The following GRM7 variants were observed in gnomAD, a reference collection of about 807,000 sequenced individuals.
GRM7 encodes metabotropic glutamate receptor 7.
GRM7 carries 35 observed loss-of-function variants against 84.5 expected under a neutral mutation model. The observed-to-expected ratio is 0.41, with a 90% CI of 0.32 to 0.55. GRM7 has a LOEUF of 0.55. GRM7 is among the 20% of genes least tolerant of loss of function. GRM7 has a pLI of 0.19. For synonymous variants in GRM7, 487 were observed against 455.1 expected (o/e 1.07, Z -0.89); for missense variants, 1,003 against 1,194.6 (o/e 0.84, Z 2.36).
At chr3:7,235,252 T>C (rs1032419930) in intron 2 of GRM7, among the ~76,000 whole-genome samples, 1 of 152,236 alleles carries the variant, frequency 6.6e-6, no homozygotes, top group African/African-American at 2.4e-5. Flanking sequence ...GAGCCTTTCA[T>C]GCATTGTGCC....
intron 8 of GRM7, among the ~76,000 whole-genome samples, chr3:7,663,724 T>G (rs920828111): frequency 2.6e-5 from 4 of 152,182 alleles, no homozygotes; most frequent in Non-Finnish European, 4.4e-5. Flanking sequence ...ATGGATTTTA[T>G]CAAAAAGAAA....
At chr3:7,230,643 G>A (rs1697163329) in intron 2 of GRM7, among the ~76,000 whole-genome samples, 1 of 152,226 alleles carries the variant, frequency 6.6e-6, no homozygotes, top group Admixed American at 6.5e-5. Context: ...GTGGGTATGG[G>A]TCAGCGGCTT....
intron 9 of GRM7, among the ~76,000 whole-genome samples, chr3:7,702,537 CTT>C (rs759786491): frequency 2.6e-5 from 4 of 152,178 alleles, no homozygotes; most frequent in Non-Finnish European, 5.9e-5. Flanking sequence ...AATATGAAAA[CTT>C]GATGCAATTC....
intron 8 of GRM7, among the ~76,000 whole-genome samples, chr3:7,618,684 G>GA (rs1238931788): frequency 6.6e-6 from 1 of 152,008 alleles, no homozygotes; most frequent in Non-Finnish European, 1.5e-5. Flanking sequence ...TTCCCCTTAT[G>GA]ACGAGCCAAC....
intron 7 of GRM7, among the ~76,000 whole-genome samples, chr3:7,547,884 G>T (rs1413062273): frequency 6.6e-6 from 1 of 152,196 alleles, no homozygotes. Flanking sequence ...AACAGCAAGT[G>T]AATCATTTCA....
At chr3:7,562,283 T>C (rs1694057727) in intron 7 of GRM7, among the ~76,000 whole-genome samples, 1 of 151,802 alleles carries the variant, frequency 6.6e-6, no homozygotes, top group Non-Finnish European at 1.5e-5. Flanking sequence ...AACAAAGGCA[T>C]GGACACGATG....
chr3:7,368,361 A>C (rs553654069), intron 4 of GRM7, among the ~76,000 whole-genome samples: 6 of 152,142 alleles, frequency 3.9e-5, no homozygotes, highest in Non-Finnish European at 8.8e-5. Context: ...ACACTATTTA[A>C]ATGTCAAGTT....
At chr3:7,564,414 A>G (rs1694165047) in intron 7 of GRM7, among the ~76,000 whole-genome samples, 1 of 152,146 alleles carries the variant, frequency 6.6e-6, no homozygotes, top group East Asian at 1.9e-4. Flanking sequence ...ATCTGATTCC[A>G]ATGCTCATGT....
At chr3:7,666,711 G>A in intron 8 of GRM7, among the ~76,000 whole-genome samples, 1 of 151,996 alleles carries the variant, frequency 6.6e-6, no homozygotes, top group East Asian at 1.9e-4. Context: ...GATGAGAAGG[G>A]AACAAATTAC....
At chr3:6,891,312 A>G (rs1271881857) in intron 1 of GRM7, among the ~76,000 whole-genome samples, 1 of 152,136 alleles carries the variant, frequency 6.6e-6, no homozygotes, top group Non-Finnish European at 1.5e-5. Context: ...TAGTTGATGC[A>G]GTTTCTTCCT....
intron 1 of GRM7, among the ~76,000 whole-genome samples, chr3:7,053,257 A>G (rs1367012832): frequency 6.6e-6 from 1 of 151,086 alleles, no homozygotes; most frequent in Non-Finnish European, 1.5e-5. Flanking sequence ...TTATTATTGA[A>G]TAAGAGCTCT....
chr3:7,531,582 G>C (rs929468344), intron 7 of GRM7, among the ~76,000 whole-genome samples: 2 of 152,120 alleles, frequency 1.3e-5, no homozygotes, highest in African/African-American at 4.8e-5. Context: ...AATTGTCAAT[G>C]GGAGTTCACT....
At chr3:7,512,469 T>G (rs1263410684) in intron 7 of GRM7, among the ~76,000 whole-genome samples, 2 of 152,184 alleles carry the variant, frequency 1.3e-5, no homozygotes, top group Non-Finnish European at 2.9e-5. Flanking sequence ...CCTGTGTGTG[T>G]GTGCAATGGT....
Position 7,360,014 on chromosome 3 carries a change from A to C in GRM7, c.1033+53362A>C, listed in dbSNP as rs192732921. Among the ~76,000 whole-genome samples the C allele has an allele frequency of 1.2e-3, 179 of 148,358 alleles. 24 individuals carry two copies. The highest frequency in any genetic ancestry group is 4.4e-3 in the African/African-American group (172 of 39,182). ...ACCAGCAAAAGTTTGCTATTGATAG[A>C]GAAATGTTTTACCATGATTATTTCA... On this transcript the variant is annotated intron_variant, in intron 4 of 9. Transcript: ENST00000357716.
intron 1 of GRM7, among the ~76,000 whole-genome samples, chr3:6,902,059 T>C (rs1035536702): frequency 1.3e-5 from 2 of 152,182 alleles, no homozygotes. Context: ...CTAATTTTTA[T>C]ATGAAAAGAC....
intron 1 of GRM7, among the ~76,000 whole-genome samples, chr3:6,964,245 G>A (rs1693412591): frequency 6.6e-6 from 1 of 152,152 alleles, no homozygotes. Flanking sequence ...TCACAGTTCT[G>A]TAGTCTAGAA....
At chr3:6,952,608 T>C (rs746038692) in intron 1 of GRM7, among the ~76,000 whole-genome samples, 1 of 152,196 alleles carries the variant, frequency 6.6e-6, no homozygotes, top group Non-Finnish European at 1.5e-5. Flanking sequence ...GGGGCAGTCA[T>C]AGGACTCATT....
At chr3:6,940,388 C>A (rs1206757905) in intron 1 of GRM7, among the ~76,000 whole-genome samples, 1 of 152,176 alleles carries the variant, frequency 6.6e-6, no homozygotes, top group Non-Finnish European at 1.5e-5. Flanking sequence ...CTGCGCCCGG[C>A]CCGTTTTTAA....
Position 7,544,402 on chromosome 3 carries a change from C to T in GRM7, c.1516-34020C>T, listed in dbSNP as rs111255166. On this transcript the variant is annotated intron_variant, in intron 7 of 9. Coordinates refer to ENST00000357716, the MANE Select transcript of GRM7 (RefSeq NM_000844.4). ...AATTCCTGGCTTCAAGTCATCCTCC[C>T]TCCTCAGCCTCGCAAAGCACCGGGA... Among the ~76,000 whole-genome samples, 888 of 152,242 alleles carry T rather than the reference C, an allele frequency of 5.8e-3. 8 individuals carry two copies. Among genetic ancestry groups the T allele is most frequent in the African/African-American group, 0.02 (815 of 41,546 alleles).
Sources: allele counts gnomAD v4.1 joint callset (sites outside exome capture counted in the v4.1 genomes callset), GRCh38; gene constraint gnomAD v4.1.1; transcripts MANE v1.5; gene names NCBI Gene and HGNC (gene_info 2026-07-23, HGNC 2026-07-21).